Variants in KCTD1 observed in about 807,000 individuals in gnomAD.
The protein encoded by KCTD1 is potassium channel tetramerization domain containing 1.
KCTD1 carries 24 observed loss-of-function variants against 66.0 expected under a neutral mutation model. The observed-to-expected ratio is 0.36, with a 90% CI of 0.26 to 0.51. The LOEUF is 0.51. Among genes scored for constraint, KCTD1 ranks in the 20% least tolerant of loss-of-function variants. The pLI is 0.95. For synonymous variants in KCTD1, 511 were observed against 517.2 expected (o/e 0.99, Z 0.16); for missense variants, 943 against 1,205.2 (o/e 0.78, Z 3.22).
chr18:26,587,217 A>G (rs541851807), intron 1 of KCTD1, among the ~76,000 whole-genome samples: 1 of 152,348 alleles, frequency 6.6e-6, no homozygotes, highest in Non-Finnish European at 1.5e-5. Flanking sequence ...ACTCTGAAGA[A>G]TTATGCTAAA....
At chr18:26,613,034 C>A (rs1346492066) in intron 1 of KCTD1, among the ~76,000 whole-genome samples, 1 of 152,108 alleles carries the variant, frequency 6.6e-6, no homozygotes. Context: ...TTTCAGTTTG[C>A]CAATGGGATT....
chr18:26,593,629 GATGAGGAGGAA>G (rs1986685162), intron 1 of KCTD1, among the ~76,000 whole-genome samples: 1 of 93,410 alleles, frequency 1.1e-5, no homozygotes, highest in Non-Finnish European at 2.2e-5. Flanking sequence ...GGAGGAGGAA[GATGAGGAGGAA>G]GAGAAGGAAG....
chr18:26,476,617 G>A lies in KCTD1; in HGVS notation c.2031C>T (p.Asp677=). Residue 677 remains aspartate, a synonymous_variant, in exon 3 of 5, where the codon GAC becomes GAT. Coordinates refer to ENST00000580059, the MANE Select transcript of KCTD1 (RefSeq NM_001142730.3). This position sits in a 1 kb window ranked among gnomAD's most constrained non-coding sequence, Gnocchi z 4.9. ...LFDGTEPIVL[D]SLKQHYFIDR... is the part of the protein sequence containing the mutation. ...CAATGAAATAGTGCTGTTTGAGACT[G>A]TCCAAAACAATGGGCTCTGTACCAT... The A allele has an allele frequency of 6.2e-7, 1 of 1,613,570 alleles. No individual in the cohort carries two copies. The highest frequency in any genetic ancestry group is 8.5e-7 in the Non-Finnish European group (1 of 1,179,730).
chr18:26,493,501 T>G (rs1249240711), intron 2 of KCTD1, among the ~76,000 whole-genome samples: 1 of 152,188 alleles, frequency 6.6e-6, no homozygotes, highest in East Asian at 1.9e-4. Flanking sequence ...CTTTTCTTTC[T>G]TGTTCTAGAA....
chr18:26,502,959 C>G (rs991456062), intron 1 of KCTD1, among the ~76,000 whole-genome samples: 6 of 152,206 alleles, frequency 3.9e-5, no homozygotes, highest in African/African-American at 1.2e-4. Flanking sequence ...TGGGGCACAA[C>G]TGTTAGACTA....
chr18:26,523,512 G>C (rs1159980090), intron 1 of KCTD1, among the ~76,000 whole-genome samples: 1 of 152,302 alleles, frequency 6.6e-6, no homozygotes, highest in Admixed American at 6.5e-5. Context: ...AAAGCTGAGT[G>C]TGGTGGCTCA....
At chr18:26,541,059 C>T (rs1239845416) in intron 1 of KCTD1, among the ~76,000 whole-genome samples, 1 of 152,140 alleles carries the variant, frequency 6.6e-6, no homozygotes, top group Non-Finnish European at 1.5e-5. Flanking sequence ...GTGGGGGTCA[C>T]TAAGAAGCTT....
chr18:26,456,284 G>A (rs2144518761), intron 4 of KCTD1: 1 of 163,722 alleles, frequency 6.1e-6, no homozygotes, highest in East Asian at 1.7e-4. Context: ...AAAAATGAGG[G>A]TTCACATTTC....
intron 2 of KCTD1, among the ~76,000 whole-genome samples, chr18:26,490,547 A>G (rs1982141566): frequency 6.6e-6 from 1 of 152,176 alleles, no homozygotes; most frequent in Non-Finnish European, 1.5e-5. Flanking sequence ...GCAGGTCCTA[A>G]GGCTACTCTA....
intron 2 of KCTD1, among the ~76,000 whole-genome samples, chr18:26,491,092 T>C (rs1477476616): frequency 6.6e-6 from 1 of 152,166 alleles, no homozygotes. Context: ...AAACAAAGTT[T>C]CCTGGATTGG....
chr18:26,550,557 GACACACAGACAC>G (rs1985516228), upstream of KCTD1, among the ~76,000 whole-genome samples: 1 of 83,634 alleles, frequency 1.2e-5, no homozygotes, highest in African/African-American at 6.0e-5. The surrounding 1 kb of genome is among the most constrained non-coding windows in gnomAD (Gnocchi z 5.4). Context: ...GGAAACACAA[GACACACAGACAC>G]ACACACACAC....
At chr18:26,596,247 A>G (rs1038930450) in intron 1 of KCTD1, among the ~76,000 whole-genome samples, 1 of 152,110 alleles carries the variant, frequency 6.6e-6, no homozygotes, top group Non-Finnish European at 1.5e-5. Context: ...GTGCCCTTAT[A>G]GGAAGATATA....
intron 1 of KCTD1, among the ~76,000 whole-genome samples, chr18:26,578,594 C>T (rs1261203403): frequency 1.3e-5 from 2 of 152,128 alleles, no homozygotes; most frequent in East Asian, 3.9e-4. Flanking sequence ...CAACCTTGGC[C>T]ATACCTGTGG....
At chr18:26,528,554 C>T (rs1434195174) in intron 1 of KCTD1, among the ~76,000 whole-genome samples, 1 of 152,144 alleles carries the variant, frequency 6.6e-6, no homozygotes, top group African/African-American at 2.4e-5. Context: ...CCCTGCCTTC[C>T]TCCAGCTGCT....
chr18:26,474,934 G>C (rs1018077233), intron 3 of KCTD1, among the ~76,000 whole-genome samples: 4 of 151,878 alleles, frequency 2.6e-5, no homozygotes, highest in African/African-American at 9.7e-5. Flanking sequence ...ATGTAGGATA[G>C]GGCTCTGGCT....
At chr18:26,634,551 A>C (rs1007972559) in intron 1 of KCTD1, among the ~76,000 whole-genome samples, 2 of 152,206 alleles carry the variant, frequency 1.3e-5, no homozygotes, top group African/African-American at 4.8e-5. Flanking sequence ...TTGAGCTAAA[A>C]GACCGAGCTA....
chr18:26,492,427 G>A (rs1391100040), intron 2 of KCTD1, among the ~76,000 whole-genome samples: 1 of 151,534 alleles, frequency 6.6e-6, no homozygotes, highest in African/African-American at 2.4e-5. Flanking sequence ...TGAGCCCAGG[G>A]GTTCAAGACC....
intron 1 of KCTD1, among the ~76,000 whole-genome samples, chr18:26,627,875 AGAATC>A (rs2145033523): frequency 6.6e-6 from 1 of 152,314 alleles, no homozygotes; most frequent in South Asian, 2.1e-4. Flanking sequence ...CCATAAAGGA[AGAATC>A]CACCTGGTTC....
upstream of KCTD1, among the ~76,000 whole-genome samples, chr18:26,550,260 C>G (rs1290081971): frequency 6.6e-6 from 1 of 152,214 alleles, no homozygotes; most frequent in Admixed American, 6.5e-5. The surrounding 1 kb of genome is among the most constrained non-coding windows in gnomAD (Gnocchi z 5.4). Context: ...CCTGTTTCCC[C>G]CTTCCCTGGC....
Sources: gnomAD v4.1 joint callset for allele counts (sites outside exome capture counted in the v4.1 genomes callset) on GRCh38, gnomAD v4.1.1 for gene constraint, Gnocchi (gnomAD v3.1) non-coding constraint, MANE v1.5 for transcripts, NCBI Gene and HGNC (gene_info 2026-07-23, HGNC 2026-07-21) for gene names.